PANK1: variants seen among roughly 807,000 people sequenced by gnomAD.
PANK1 encodes the protein pantothenate kinase 1, also known as pantothenic acid kinase 1.
A neutral mutation model predicts 40.1 loss-of-function variants in PANK1; 18 were observed. The observed-to-expected ratio is 0.45, with a 90% CI of 0.31 to 0.67. PANK1 has a LOEUF of 0.67. Among genes scored for constraint, PANK1 ranks in the 30% least tolerant of loss-of-function variants. The probability of loss-of-function intolerance (pLI) is 0.06; values close to 1 mark genes in which losing one functional copy is unlikely to be tolerated. For missense variants in PANK1, 457 were observed against 599.6 expected (o/e 0.76, Z 2.48); for synonymous variants, 242 against 237.7 (o/e 1.02, Z -0.17).
At chr10:89,612,216 A>C (rs1330096636) in intron 1 of PANK1, among the ~76,000 whole-genome samples, 168 bp from the exon 2 acceptor site, 1 of 152,196 alleles carries the variant, frequency 6.6e-6, no homozygotes, top group African/African-American at 2.4e-5. Context: ...CAGACAGAGA[A>C]AATTTTACAA....
chr10:89,612,787 A>C (rs1845201129), intron 1 of PANK1, among the ~76,000 whole-genome samples: 1 of 152,238 alleles, frequency 6.6e-6, no homozygotes, highest in African/African-American at 2.4e-5. Context: ...GCTGCCTTTT[A>C]GAATCAGCTG....
intron 1 of PANK1, among the ~76,000 whole-genome samples, chr10:89,627,094 A>C (rs957984453): frequency 6.6e-6 from 1 of 152,194 alleles, no homozygotes; most frequent in East Asian, 1.9e-4. Flanking sequence ...GGACTGAGGA[A>C]AGGTATGCCA....
intron 2 of PANK1, among the ~76,000 whole-genome samples, chr10:89,604,043 T>C (rs1189444220): frequency 1.3e-5 from 2 of 152,210 alleles, no homozygotes; most frequent in African/African-American, 4.8e-5. Context: ...TTTTTAAGAC[T>C]GGTCCCTTGG....
chr10:89,638,313 G>A (rs1420345267), intron 1 of PANK1, among the ~76,000 whole-genome samples: 1 of 152,216 alleles, frequency 6.6e-6, no homozygotes, highest in Non-Finnish European at 1.5e-5. Flanking sequence ...CGAGGTCATG[G>A]CACCCTGTGC....
chr10:89,629,492 A>G (rs1841570088), intron 1 of PANK1, among the ~76,000 whole-genome samples: 1 of 152,234 alleles, frequency 6.6e-6, no homozygotes, highest in Non-Finnish European at 1.5e-5. Context: ...CTTCCACACC[A>G]TGAAGAGTGA....
At chr10:89,609,409 A>G (rs1371578951) in intron 2 of PANK1, among the ~76,000 whole-genome samples, 1 of 152,202 alleles carries the variant, frequency 6.6e-6, no homozygotes, top group African/African-American at 2.4e-5. Context: ...TTCCCCCACT[A>G]GAATACAAGC....
At chr10:89,586,661 C>A (rs377336461) in intron 6 of PANK1, among the ~76,000 whole-genome samples, 1 of 152,174 alleles carries the variant, frequency 6.6e-6, no homozygotes, top group African/African-American at 2.4e-5. Flanking sequence ...TTATTCATTA[C>A]AATTGAAATT....
At position 89,611,977 on chromosome 10, in the gene PANK1, T is replaced by A; in HGVS notation, c.364A>T (p.Thr122Ser). Residue 122 changes from threonine to serine, a missense_variant, in exon 2 of 7, where the codon ACA (threonine) becomes TCA (serine). Physicochemically the swap from Thr to Ser is moderately conservative, Grantham distance 58. Around this residue, in one of 4 missense-constraint regions of PANK1, gnomAD observed 286 missense variants for 415.8 expected, o/e 0.69. Transcript: ENST00000307534. ...ACTTCCTCTTGCTCCTCTTCGGCTGTAATATCCTTCGGCTCGAAATACACC... is the reference window on the plus strand; with the variant it reads ...ACTTCCTCTTGCTCCTCTTCGGCTGAAATATCCTTCGGCTCGAAATACACC... ...KLVYFEPKDITAEEEQEEVEN... is the reference protein window; with the variant it reads ...KLVYFEPKDISAEEEQEEVEN... 6.2e-7 allele frequency: 1 copy of A among 1,614,188 alleles called. No homozygotes were observed. Among genetic ancestry groups the A allele is most frequent in the Non-Finnish European group, 8.5e-7 (1 of 1,180,038 alleles).
intron 6 of PANK1, among the ~76,000 whole-genome samples, chr10:89,587,471 A>G (rs1253705105): frequency 6.6e-6 from 1 of 152,246 alleles, no homozygotes; most frequent in Non-Finnish European, 1.5e-5. Flanking sequence ...ATTGCTGTCT[A>G]CTTAGGTGGA....
chr10:89,588,502 A>T (rs1002613596), intron 6 of PANK1, 150 bp downstream of exon 6: 2 of 506,884 alleles, frequency 3.9e-6, no homozygotes, highest in African/African-American at 3.9e-5. Flanking sequence ...CATTTTATAT[A>T]TGCTTTTTTC....
chr10:89,608,091 TTG>T, intron 2 of PANK1, among the ~76,000 whole-genome samples: 1 of 150,816 alleles, frequency 6.6e-6, no homozygotes, highest in Non-Finnish European at 1.5e-5. Context: ...GAGTGCAGTG[TTG>T]CCATCTCAGC....
chr10:89,607,957 C>T (rs922370518), intron 2 of PANK1, among the ~76,000 whole-genome samples: 2 of 151,842 alleles, frequency 1.3e-5, no homozygotes, highest in African/African-American at 4.8e-5. Context: ...TTCTGTGTTC[C>T]ATTTTGATAA....
At chr10:89,595,253 C>T (rs1203597959) in intron 3 of PANK1, among the ~76,000 whole-genome samples, 2 of 152,000 alleles carry the variant, frequency 1.3e-5, no homozygotes, top group African/African-American at 4.8e-5. Context: ...GAGTTTGAGA[C>T]CAGCCTGGCC....
intron 3 of PANK1, among the ~76,000 whole-genome samples, chr10:89,594,326 C>T (rs1207782905): frequency 2.6e-5 from 4 of 152,174 alleles, no homozygotes; most frequent in African/African-American, 9.7e-5. Context: ...ATCATGATCT[C>T]TTCTATTTGG....
intron 2 of PANK1, among the ~76,000 whole-genome samples, chr10:89,610,647 T>G (rs765042080): frequency 4.6e-5 from 7 of 152,240 alleles, no homozygotes; most frequent in Non-Finnish European, 1.0e-4. Context: ...GATTGATTAA[T>G]GTATTCATTA....
chr10:89,607,326 C>T (rs1217561747), intron 2 of PANK1, among the ~76,000 whole-genome samples: 2 of 152,180 alleles, frequency 1.3e-5, no homozygotes, highest in Non-Finnish European at 1.5e-5. Context: ...ATGGAGCAGT[C>T]AGAACACACA....
At chr10:89,625,622 T>A (rs565347750) in intron 1 of PANK1, 37 of 152,310 alleles carry the variant, frequency 2.4e-4, no homozygotes, top group African/African-American at 8.4e-4. Flanking sequence ...ATTCTTTGAT[T>A]TGCAACCCAC....
chr10:89,608,953 G>C (rs1016624550), intron 2 of PANK1, among the ~76,000 whole-genome samples: 1 of 152,168 alleles, frequency 6.6e-6, no homozygotes, highest in South Asian at 2.1e-4. Flanking sequence ...TCTTCTTCAG[G>C]TCTCTGCTCC....
chr10:89,630,496 T>G (rs1021624505), intron 1 of PANK1, among the ~76,000 whole-genome samples: 5 of 132,074 alleles, frequency 3.8e-5, no homozygotes, highest in African/African-American at 1.6e-4. Flanking sequence ...GTGCAGTTTT[T>G]TTGTTTTTTT....
Sources: gnomAD v4.1 joint callset for allele counts (sites outside exome capture counted in the v4.1 genomes callset) on GRCh38, gnomAD v4.1.1 for gene constraint, gnomAD v4.1.1 regional missense constraint, MANE v1.5 for transcripts, NCBI Gene and HGNC (gene_info 2026-07-23, HGNC 2026-07-21) for gene names.